The following FOLR1 variants were observed in gnomAD, a reference collection of about 807,000 sequenced individuals.
FOLR1 encodes the protein KB cells FBP.
A neutral mutation model predicts 22.8 loss-of-function variants in FOLR1; 11 were observed. The ratio of observed to expected loss-of-function variants is 0.48; its 90% CI spans 0.30 to 0.80. FOLR1 has a LOEUF of 0.80. Ranked by LOEUF, FOLR1 falls within the 30% of genes least tolerant of loss-of-function variation. The pLI, the probability that FOLR1 is intolerant of heterozygous loss-of-function variation, is 0.06. For missense variants in FOLR1, 273 were observed against 320.3 expected, an observed-to-expected ratio of 0.85 and a Z score of 1.13; for synonymous variants, 108 against 116.5, an observed-to-expected ratio of 0.93 and a Z score of 0.47.
At position 72,195,945 on chromosome 11, in the gene FOLR1, A is replaced by G. The variant is rs1185288244; in HGVS notation, c.542A>G (p.Tyr181Cys). Residue 181 changes from tyrosine (Y) to cysteine (C), a missense_variant, in exon 4 of 4, where the codon TAC becomes TGC. Transcript: ENST00000393676. ...GCTGCCTGCCAACCTTTCCATTTCTACTTCCCCACACCCACTGTTCTGTGC... is the reference window on the plus strand; with the variant it reads ...GCTGCCTGCCAACCTTTCCATTTCTGCTTCCCCACACCCACTGTTCTGTGC... ...VGAACQPFHF[Y>C]FPTPTVLCNE... 6.2e-6 allele frequency: 10 copies of G among 1,614,082 alleles called. No individual in the cohort carries two copies. Among genetic ancestry groups the G allele is most frequent in the Non-Finnish European group, 8.5e-6 (10 of 1,180,028 alleles).
intron 1 of FOLR1, among the ~76,000 whole-genome samples, chr11:72,192,878 G>A (rs577238347): frequency 6.6e-6 from 1 of 152,034 alleles, no homozygotes; most frequent in African/African-American, 2.4e-5. Context: ...TTACAGAAAT[G>A]AGCCGTACGC....
intron 1 of FOLR1, among the ~76,000 whole-genome samples, chr11:72,194,082 C>T (rs1258472276): frequency 6.6e-6 from 1 of 152,092 alleles, no homozygotes; most frequent in African/African-American, 2.4e-5. Flanking sequence ...GCCACTGTGC[C>T]GGCCCACATT....
Position 72,196,251 on chromosome 11 carries a change from C to A in FOLR1, c.*74C>A. The A allele has an allele frequency of 6.4e-7, 1 of 1,555,446 alleles. No individual in the cohort carries two copies. Among genetic ancestry groups the A allele is most frequent in the Non-Finnish European group, 8.8e-7 (1 of 1,130,836 alleles). On this transcript the variant is annotated 3_prime_UTR_variant, in exon 4 of 4. Coordinates refer to ENST00000393676, the MANE Select transcript of FOLR1 (RefSeq NM_016729.3). ...ACAGCTCCCAACTATTTGGTTCCTG[C>A]TCCATGGTCGGGCCTCTGACAGCCA... is the stretch of plus-strand genomic sequence containing the variant.
intron 1 of FOLR1, among the ~76,000 whole-genome samples, chr11:72,194,397 T>C (rs1219437207): frequency 6.6e-6 from 1 of 151,766 alleles, no homozygotes; most frequent in Admixed American, 6.6e-5. Flanking sequence ...ACTTGGCTAG[T>C]TTTTTGTTTG....
chr11:72,192,156 C>T lies in FOLR1; in HGVS notation c.-18C>T, dbSNP rs1440525578. 6.2e-7 allele frequency: 1 copy of T among 1,613,914 alleles called. No homozygotes were observed. The highest frequency in any genetic ancestry group is 8.5e-7 in the Non-Finnish European group (1 of 1,179,930). On this transcript the variant is annotated 5_prime_UTR_variant, in exon 1 of 4. Transcript: ENST00000393676. ...TTCCTTGGTGCCACTGACCACAGCT[C>T]TTTCTTCAGGGACAGACATGGCTCA...
upstream of FOLR1, among the ~76,000 whole-genome samples, chr11:72,191,787 G>A (rs1307032345): frequency 6.6e-6 from 1 of 152,166 alleles, no homozygotes; most frequent in Non-Finnish European, 1.5e-5. Context: ...ATATACACTT[G>A]ATTATTGGGT....
At position 72,196,261 on chromosome 11, in the gene FOLR1, G is replaced by T. The variant is rs374669370; in HGVS notation, c.*84G>T. On this transcript the variant is annotated 3_prime_UTR_variant, in exon 4 of 4. Coordinates refer to ENST00000393676, the MANE Select transcript of FOLR1 (RefSeq NM_016729.3). ...ACTATTTGGTTCCTGCTCCATGGTC[G>T]GGCCTCTGACAGCCACTTTGAATAA... 1 of 1,479,652 alleles carries T rather than the reference G, an allele frequency of 6.8e-7. No individual in the cohort carries two copies. The highest frequency in any genetic ancestry group is 2.3e-5 in the East Asian group (1 of 43,442). 91.7% of individuals were successfully genotyped at this position (1,479,652 alleles called of 1,614,324 possible).
chr11:72,196,048 C>T lies in FOLR1; in HGVS notation c.645C>T (p.Asp215=), dbSNP rs1948228888. The T allele has an allele frequency of 6.2e-7, 1 of 1,614,228 alleles. No homozygotes were observed. The highest frequency in any genetic ancestry group is 2.2e-5 in the East Asian group (1 of 44,888). Residue 215 remains aspartate, a synonymous_variant, in exon 4 of 4, where the codon GAC becomes GAT. Coordinates refer to ENST00000393676, the MANE Select transcript of FOLR1 (RefSeq NM_016729.3). ...GSGRCIQMWF[D]PAQGNPNEEV... is the part of the protein sequence containing the mutation. ...GCCGCTGCATCCAGATGTGGTTCGA[C>T]CCAGCCCAGGGCAACCCCAATGAGG...
At position 72,196,207 on chromosome 11, in the gene FOLR1, C is replaced by A. The variant is rs1408899528; in HGVS notation, c.*30C>A. 6.2e-7 allele frequency: 1 copy of A among 1,613,498 alleles called. No homozygotes were observed. Among genetic ancestry groups the A allele is most frequent in the Non-Finnish European group, 8.5e-7 (1 of 1,179,446 alleles). On this transcript the variant is annotated 3_prime_UTR_variant, in exon 4 of 4. Coordinates refer to ENST00000393676, the MANE Select transcript of FOLR1 (RefSeq NM_016729.3). ...CTTTTACCTTCTGATACCTGGAAAT[C>A]CCTGCCCTGTTCAGCCCCACAGCTC...
chr11:72,192,142 C>G lies in FOLR1; in HGVS notation c.-32C>G. ...GCCCCACCTCCGCATTCCTTGGTGC[C>G]ACTGACCACAGCTCTTTCTTCAGGG... On this transcript the variant is annotated 5_prime_UTR_variant, in exon 1 of 4. Transcript: ENST00000393676. 1 of 1,613,822 alleles carries G rather than the reference C, an allele frequency of 6.2e-7. No homozygotes were observed. Among genetic ancestry groups the G allele is most frequent in the Non-Finnish European group, 8.5e-7 (1 of 1,179,764 alleles).
upstream of FOLR1, among the ~76,000 whole-genome samples, chr11:72,191,343 C>G (rs1012698210): frequency 5.3e-5 from 8 of 152,084 alleles, no homozygotes; most frequent in Non-Finnish European, 1.0e-4. Flanking sequence ...TGCAGCCCCC[C>G]CAACTAAAAC....
Position 72,196,178 on chromosome 11 carries a change from C to T in FOLR1, c.*1C>T, listed in dbSNP as rs764297811. The T allele has an allele frequency of 1.2e-5, 19 of 1,613,970 alleles. No homozygotes were observed. The highest frequency in any genetic ancestry group is 1.6e-5 in the Non-Finnish European group (19 of 1,180,006). The stretch of plus-strand genomic sequence containing the variant: ...AATGCTGCTGTGGCTGCTCAGCTGA[C>T]CTCCTTTTACCTTCTGATACCTGGA... On this transcript the variant is annotated 3_prime_UTR_variant, in exon 4 of 4. Coordinates refer to ENST00000393676, the MANE Select transcript of FOLR1 (RefSeq NM_016729.3).
At chr11:72,195,589 T>C (rs1314842667) in intron 2 of FOLR1, 23 bp from the exon 3 acceptor site, 1 of 1,614,170 alleles carries the variant, frequency 6.2e-7, no homozygotes, top group South Asian at 1.1e-5. Context: ...CCTGAGCCCT[T>C]CTTTTGTATC....
chr11:72,190,820 C>T (rs547197966), upstream of FOLR1, among the ~76,000 whole-genome samples: 2 of 152,302 alleles, frequency 1.3e-5, no homozygotes, highest in Admixed American at 6.5e-5. Context: ...GCTGTGCAGT[C>T]GGCCTGGAGA....
intron 1 of FOLR1, among the ~76,000 whole-genome samples, chr11:72,193,135 G>C (rs1948178293): frequency 6.6e-6 from 1 of 152,020 alleles, no homozygotes; most frequent in African/African-American, 2.4e-5. Context: ...AGGAGTTCGA[G>C]ACCAGCCTGG....
chr11:72,192,353 G>T lies in FOLR1; in HGVS notation c.168+12G>T. 1 of 1,613,702 alleles carries T rather than the reference G, an allele frequency of 6.2e-7. No homozygotes were observed. On this transcript the variant is annotated intron_variant, in intron 1 of 3. Coordinates refer to ENST00000393676, the MANE Select transcript of FOLR1 (RefSeq NM_016729.3). ...AGTTGCATGAGCAGGTGGGCCAGGG[G>T]GTGATCTGGGGTGGTGAGGGACTGG...
rs398124307 is a variant in FOLR1 at position 72,195,910 on chromosome 11, C to T, written c.507C>T (p.Cys169=). Residue 169 remains cysteine, a synonymous_variant, in exon 4 of 4, where the codon TGC becomes TGT. Coordinates refer to ENST00000393676, the MANE Select transcript of FOLR1 (RefSeq NM_016729.3). The part of the protein sequence containing the change: ...GWNWTSGFNK[C]AVGAACQPFH... ...TCCTCTCTACAGGGTTTAACAAGTG[C>T]GCAGTGGGAGCTGCCTGCCAACCTT... 1.9e-5 allele frequency: 31 copies of T among 1,614,196 alleles called. No homozygotes were observed. Among genetic ancestry groups the T allele is most frequent in the Admixed American group, 3.3e-5 (2 of 60,024 alleles).
chr11:72,192,151 C>T lies in FOLR1; in HGVS notation c.-23C>T. 6.2e-7 allele frequency: 1 copy of T among 1,614,010 alleles called. No individual in the cohort carries two copies. Among genetic ancestry groups the T allele is most frequent in the Non-Finnish European group, 8.5e-7 (1 of 1,179,878 alleles). On this transcript the variant is annotated 5_prime_UTR_variant, in exon 1 of 4. Coordinates refer to ENST00000393676, the MANE Select transcript of FOLR1 (RefSeq NM_016729.3). Reference sequence around the variant, plus strand: ...CCGCATTCCTTGGTGCCACTGACCACAGCTCTTTCTTCAGGGACAGACATG... The same window carrying T: ...CCGCATTCCTTGGTGCCACTGACCATAGCTCTTTCTTCAGGGACAGACATG...
rs149320230 is a variant in FOLR1 at position 72,195,720 on chromosome 11, T to G, written c.466T>G (p.Trp156Gly). ...CACCTCCTACACCTGCAAGAGCAAC[T>G]GGCACAAGGGCTGGAACTGGACTTC... ...CRTSYTCKSN[W>G]HKGWNWTSGF... Residue 156 changes from tryptophan (W) to glycine (G), a missense_variant, in exon 3 of 4, where the codon TGG (tryptophan) becomes GGG (glycine). Coordinates refer to ENST00000393676, the MANE Select transcript of FOLR1 (RefSeq NM_016729.3). 6.8e-6 allele frequency: 11 copies of G among 1,614,016 alleles called. No individual in the cohort carries two copies. Among genetic ancestry groups the G allele is most frequent in the Non-Finnish European group, 9.3e-6 (11 of 1,180,034 alleles).
Sources: allele counts gnomAD v4.1 joint callset (sites outside exome capture counted in the v4.1 genomes callset), GRCh38; gene constraint gnomAD v4.1.1; transcripts MANE v1.5; gene names NCBI Gene and HGNC (gene_info 2026-07-23, HGNC 2026-07-21).